Variants in KHDRBS2 observed in about 807,000 individuals in gnomAD.
The protein encoded by KHDRBS2 is KH RNA binding domain containing, signal transduction associated 2.
A neutral mutation model predicts 44.3 loss-of-function variants in KHDRBS2; 26 were observed. The observed-to-expected ratio is 0.59, with a 90% CI of 0.43 to 0.81. KHDRBS2 has a LOEUF of 0.81. Ranked by LOEUF, KHDRBS2 falls within the 40% of genes least tolerant of loss-of-function variation. The probability of loss-of-function intolerance (pLI) is 0.00; values close to 1 mark genes in which losing one functional copy is unlikely to be tolerated. For synonymous variants in KHDRBS2, 194 were observed against 151.1 expected (o/e 1.28, Z -2.08); for missense variants, 476 against 433.1 (o/e 1.10, Z -0.88).
intron 4 of KHDRBS2, among the ~76,000 whole-genome samples, chr6:61,914,974 G>A (rs896499586): frequency 2.0e-5 from 3 of 152,110 alleles, no homozygotes; most frequent in African/African-American, 2.4e-5. Context: ...GAAAAGTAAC[G>A]GAGTTAGAAG....
intron 2 of KHDRBS2, among the ~76,000 whole-genome samples, chr6:62,142,622 T>A (rs761348484): frequency 1.8e-4 from 27 of 151,982 alleles, no homozygotes; most frequent in Non-Finnish European, 2.2e-4. Context: ...TTTGAAAAAA[T>A]TTCATGATAA....
chr6:62,260,362 T>C (rs539459210), intron 1 of KHDRBS2, among the ~76,000 whole-genome samples: 1 of 151,976 alleles, frequency 6.6e-6, no homozygotes, highest in Non-Finnish European at 1.5e-5. Context: ...AGAATGACCT[T>C]TTGTCAATAT....
rs187824477 is a variant in KHDRBS2 at position 61,951,942 on chromosome 6, A to C, written c.483+26124T>G. ...AATTCAGTTAAACATTATCTGTACAATCAAAGAAAGCCACTCCTTAGACCA... is the reference window on the plus strand; with the variant it reads ...AATTCAGTTAAACATTATCTGTACACTCAAAGAAAGCCACTCCTTAGACCA... On this transcript the variant is annotated intron_variant, in intron 4 of 8. Coordinates refer to ENST00000281156, the MANE Select transcript of KHDRBS2 (RefSeq NM_152688.4). 1.3e-3 allele frequency among the ~76,000 whole-genome samples: 204 copies of C among 152,036 alleles called. 1 individual carries two copies. The highest frequency in any genetic ancestry group is 4.6e-3 in the African/African-American group (192 of 41,554).
chr6:62,110,521 G>A (rs1804752943), intron 2 of KHDRBS2, among the ~76,000 whole-genome samples: 1 of 151,966 alleles, frequency 6.6e-6, no homozygotes, highest in African/African-American at 2.4e-5. Flanking sequence ...AAAAAGAAGT[G>A]ACCTATTTAC....
intron 4 of KHDRBS2, among the ~76,000 whole-genome samples, chr6:61,965,748 A>G (rs747812266): frequency 1.3e-5 from 2 of 151,958 alleles, no homozygotes; most frequent in African/African-American, 2.4e-5. Context: ...ACTTTAGAGG[A>G]TAAGTTAAGG....
intron 6 of KHDRBS2, among the ~76,000 whole-genome samples, chr6:61,832,266 T>C (rs138627941): frequency 7.8e-4 from 119 of 152,182 alleles, no homozygotes; most frequent in African/African-American, 2.6e-3. Flanking sequence ...AAGTATTGAA[T>C]GGTCTAAATT....
intron 7 of KHDRBS2, among the ~76,000 whole-genome samples, chr6:61,731,925 A>T (rs1463160248): frequency 2.0e-5 from 3 of 152,084 alleles, no homozygotes; most frequent in African/African-American, 7.2e-5. Context: ...TGTTCTAGAG[A>T]AGGTAAAACT....
intron 1 of KHDRBS2, among the ~76,000 whole-genome samples, chr6:62,240,836 A>C (rs1162251998): frequency 6.6e-6 from 1 of 150,982 alleles, no homozygotes; most frequent in Non-Finnish European, 1.5e-5. Flanking sequence ...TCATAGATTT[A>C]ATTCATTTTA....
chr6:62,087,464 T>C (rs952410911), intron 2 of KHDRBS2, among the ~76,000 whole-genome samples: 1 of 151,470 alleles, frequency 6.6e-6, no homozygotes, highest in Non-Finnish European at 1.5e-5. Flanking sequence ...AAATAAAAGA[T>C]AGAAATGAAA....
At chr6:61,642,326 G>T in the KHDRBS2 span, among the ~76,000 whole-genome samples, 3 of 151,818 alleles carry the variant, frequency 2.0e-5, no homozygotes, top group African/African-American at 4.8e-5. Flanking sequence ...TTACTTGAAT[G>T]CACTGAAATA....
intron 1 of KHDRBS2, among the ~76,000 whole-genome samples, chr6:62,246,107 T>TATAC (rs1835514280): frequency 1.4e-5 from 1 of 69,556 alleles, no homozygotes; most frequent in African/African-American, 8.0e-5. Context: ...CAATTTTATA[T>TATAC]ATATATATAT....
At chr6:61,670,160 C>G in the KHDRBS2 span, among the ~76,000 whole-genome samples, 1 of 151,266 alleles carries the variant, frequency 6.6e-6, no homozygotes, top group Non-Finnish European at 1.5e-5. Flanking sequence ...GAATGGACTA[C>G]TTTGTAATCA....
intron 4 of KHDRBS2, among the ~76,000 whole-genome samples, chr6:61,927,293 A>G (rs1050277178): frequency 3.9e-5 from 6 of 152,132 alleles, no homozygotes; most frequent in African/African-American, 1.4e-4. Context: ...ATATGGTATA[A>G]ATATTATAAG....
chr6:62,092,641 A>G (rs2127365014), intron 2 of KHDRBS2, among the ~76,000 whole-genome samples: 1 of 152,252 alleles, frequency 6.6e-6, no homozygotes, highest in East Asian at 1.9e-4. Context: ...ATTGTTTCCT[A>G]AAGTATTTCT....
chr6:62,140,440 CT>C (rs1159352698), intron 2 of KHDRBS2, among the ~76,000 whole-genome samples: 1 of 152,028 alleles, frequency 6.6e-6, no homozygotes, highest in African/African-American at 2.4e-5. Context: ...AGTCGGGAGA[CT>C]TTTGTAGTGA....
the KHDRBS2 span, among the ~76,000 whole-genome samples, chr6:61,586,493 C>A: frequency 6.6e-6 from 1 of 152,180 alleles, no homozygotes; most frequent in Admixed American, 6.6e-5. Context: ...CCTGTAATGA[C>A]AGTGTCCAAG....
At chr6:62,244,603 T>G (rs176609) in intron 1 of KHDRBS2, among the ~76,000 whole-genome samples, 28,394 of 152,068 alleles carry the variant, frequency 0.19, 3,075 homozygotes, top group African/African-American at 0.31. Context: ...ACAATTTTTT[T>G]TTCATTTTTC....
intron 3 of KHDRBS2, among the ~76,000 whole-genome samples, chr6:62,038,603 A>C (rs1202223152): frequency 2.6e-5 from 4 of 152,042 alleles, no homozygotes; most frequent in Non-Finnish European, 1.5e-5. Flanking sequence ...TCAGAATCTA[A>C]ATTACTGCTG....
At chr6:61,721,739 A>T (rs1442797537) in intron 7 of KHDRBS2, among the ~76,000 whole-genome samples, 1 of 110,776 alleles carries the variant, frequency 9.0e-6, no homozygotes, top group African/African-American at 3.1e-5. Flanking sequence ...GGACAATTTG[A>T]CTTCCTCTTT....
Sources: allele counts gnomAD v4.1 joint callset (sites outside exome capture counted in the v4.1 genomes callset), GRCh38; gene constraint gnomAD v4.1.1; transcripts MANE v1.5; gene names NCBI Gene and HGNC (gene_info 2026-07-23, HGNC 2026-07-21).